Variants in RBFOX1 observed in about 807,000 individuals in gnomAD.
RBFOX1 encodes the protein RNA binding fox-1 homolog 1.
RBFOX1 carries 8 observed loss-of-function variants against 57.7 expected under a neutral mutation model. The observed-to-expected ratio is 0.14, with a 90% CI of 0.08 to 0.25. The LOEUF (loss-of-function observed/expected upper bound fraction) is 0.25. RBFOX1 is among the 10% of genes least tolerant of loss of function. RBFOX1 has a pLI of 1.00. For missense variants in RBFOX1, 611 were observed against 548.5 expected (o/e 1.11, Z -1.14); for synonymous variants, 326 against 222.4 (o/e 1.47, Z -4.15).
chr16:5,928,025 G>A (rs545989576), intron 4 of RBFOX1, among the ~76,000 whole-genome samples: 1 of 152,290 alleles, frequency 6.6e-6, no homozygotes. Context: ...CTGTGGCAGG[G>A]CATGGTGACT....
At chr16:5,975,653 T>C (rs2060047682) in intron 4 of RBFOX1, among the ~76,000 whole-genome samples, 1 of 152,136 alleles carries the variant, frequency 6.6e-6, no homozygotes, top group Non-Finnish European at 1.5e-5. Context: ...AAGGATGTCA[T>C]GTCATAGTCT....
chr16:7,381,978 C>A (rs1339512713), intron 4 of RBFOX1, among the ~76,000 whole-genome samples: 1 of 152,158 alleles, frequency 6.6e-6, no homozygotes, highest in African/African-American at 2.4e-5. Flanking sequence ...AATGTTTCTC[C>A]CTTTGAGAAT....
At chr16:5,873,184 A>ACAG (rs892384484) in intron 4 of RBFOX1, among the ~76,000 whole-genome samples, 1 of 151,974 alleles carries the variant, frequency 6.6e-6, no homozygotes, top group African/African-American at 2.4e-5. Context: ...AACAACAACA[A>ACAG]CAACAAAACA....
intron 1 of RBFOX1, among the ~76,000 whole-genome samples, chr16:6,220,011 T>C (rs2097361670): frequency 6.6e-6 from 1 of 152,208 alleles, no homozygotes; most frequent in South Asian, 2.1e-4. Context: ...ATCCATCATC[T>C]ACTATTTATC....
chr16:7,533,137 C>G (rs1567700081), intron 5 of RBFOX1, among the ~76,000 whole-genome samples: 1 of 152,214 alleles, frequency 6.6e-6, no homozygotes, highest in Non-Finnish European at 1.5e-5. Flanking sequence ...ACCCTTTTAC[C>G]TGCATGGACT....
intron 4 of RBFOX1, among the ~76,000 whole-genome samples, chr16:7,475,360 G>A (rs1345424738): frequency 6.7e-6 from 1 of 150,160 alleles, no homozygotes; most frequent in Admixed American, 6.7e-5. Context: ...TGTCACCCAG[G>A]CTGGAGTGCA....
chr16:6,934,383 A>G (rs2077035374), intron 3 of RBFOX1, among the ~76,000 whole-genome samples: 1 of 152,176 alleles, frequency 6.6e-6, no homozygotes, highest in African/African-American at 2.4e-5. Flanking sequence ...TTACATGCAG[A>G]GAATATGTCA....
intron 2 of RBFOX1, among the ~76,000 whole-genome samples, chr16:6,526,609 T>C (rs2096581217): frequency 1.3e-5 from 2 of 151,752 alleles, no homozygotes; most frequent in African/African-American, 4.8e-5. Context: ...GGTGGGCAGA[T>C]CACGAGGTCA....
At chr16:5,826,897 C>T (rs777103844) in intron 3 of RBFOX1, among the ~76,000 whole-genome samples, 8 of 152,146 alleles carry the variant, frequency 5.3e-5, no homozygotes, top group Admixed American at 1.3e-4. Context: ...AGCCCTGAAT[C>T]CTTGACCAAT....
At chr16:5,786,797 C>A (rs1391885168) in intron 3 of RBFOX1, among the ~76,000 whole-genome samples, 2 of 152,082 alleles carry the variant, frequency 1.3e-5, no homozygotes, top group African/African-American at 2.4e-5. Context: ...TGGTGTTTGA[C>A]CTCATCAGAG....
At chr16:5,728,196 A>C (rs1260567200) in intron 3 of RBFOX1, among the ~76,000 whole-genome samples, 1 of 152,276 alleles carries the variant, frequency 6.6e-6, no homozygotes, top group Non-Finnish European at 1.5e-5. Flanking sequence ...CAAGATATAC[A>C]AACAACTTAA....
chr16:5,510,173 C>T (rs568045311), intron 2 of RBFOX1, among the ~76,000 whole-genome samples: 1 of 152,324 alleles, frequency 6.6e-6, no homozygotes, highest in South Asian at 2.1e-4. Context: ...GCCTCAGTTT[C>T]CTCATGGCTA....
intron 1 of RBFOX1, among the ~76,000 whole-genome samples, chr16:6,280,527 T>C (rs554586891): frequency 9.9e-5 from 15 of 151,982 alleles, no homozygotes; most frequent in Non-Finnish European, 1.8e-4. Context: ...AGCATTGCAT[T>C]TGCATCATGC....
chr16:5,696,067 G>C (rs1416576518), intron 3 of RBFOX1, among the ~76,000 whole-genome samples: 1 of 152,166 alleles, frequency 6.6e-6, no homozygotes, highest in Non-Finnish European at 1.5e-5. Flanking sequence ...CAGAAAGTGG[G>C]AAATTCTGGT....
chr16:7,644,874 G>T (rs3785224), intron 11 of RBFOX1, among the ~76,000 whole-genome samples: 59,066 of 152,004 alleles, frequency 0.39, 12,511 homozygotes, highest in African/African-American at 0.56. Flanking sequence ...TGGAGGGAGC[G>T]ATGTTTGAAC....
intron 3 of RBFOX1, among the ~76,000 whole-genome samples, chr16:6,941,292 C>CTCCT (rs1265453708): frequency 3.7e-5 from 3 of 80,124 alleles, no homozygotes; most frequent in African/African-American, 1.5e-4. Flanking sequence ...CCCTCCTTCC[C>CTCCT]TCCCTCCCTC....
intron 4 of RBFOX1, among the ~76,000 whole-genome samples, chr16:7,506,172 A>G (rs955584220): frequency 3.8e-5 from 5 of 131,066 alleles, no homozygotes; most frequent in African/African-American, 1.1e-4. Flanking sequence ...GTGACAGAGC[A>G]AGACTCTGTC....
At chr16:6,882,478 C>G (rs111983480) in intron 3 of RBFOX1, among the ~76,000 whole-genome samples, 9,640 of 152,108 alleles carry the variant, frequency 0.063, 1,057 homozygotes, top group African/African-American at 0.22. Flanking sequence ...CTTGTAATCC[C>G]AGCTACTCCG....
chr16:5,767,458 G>A lies in RBFOX1; in HGVS notation c.319-99845G>A, dbSNP rs1239068060. Among the ~76,000 whole-genome samples, 4 of 152,304 alleles carry A rather than the reference G, an allele frequency of 2.6e-5. No homozygotes were observed. The East Asian group carries it at 7.7e-4, about 29-fold the overall frequency. On this transcript the variant is annotated intron_variant, in intron 3 of 19. Transcript: ENST00000641259. ...GCTGGGGAGAGGTGGGTGAATACCTGAAGGTAATGTGGATAGAAAGGCATG... is the reference window on the plus strand; with the variant it reads ...GCTGGGGAGAGGTGGGTGAATACCTAAAGGTAATGTGGATAGAAAGGCATG...
Sources: allele counts gnomAD v4.1 joint callset (sites outside exome capture counted in the v4.1 genomes callset), GRCh38; gene constraint gnomAD v4.1.1; transcripts MANE v1.5; gene names NCBI Gene and HGNC (gene_info 2026-07-23, HGNC 2026-07-21).